GREB1L: variants seen among roughly 807,000 people sequenced by gnomAD.
GREB1L encodes GREB1-like protein.
A neutral mutation model predicts 200.8 loss-of-function variants in GREB1L; 17 were observed. That is an observed-to-expected ratio of 0.08 (90% CI 0.06 to 0.13). The LOEUF (loss-of-function observed/expected upper bound fraction) is 0.13, where lower values mean the gene tolerates loss of function less well. GREB1L is among the 10% of genes least tolerant of loss of function. The pLI, the probability that GREB1L is intolerant of heterozygous loss-of-function variation, is 1.00. For missense variants in GREB1L, 1,657 were observed against 2,367.7 expected, an observed-to-expected ratio of 0.70 and a Z score of 6.23; for synonymous variants, 789 against 893.0, an observed-to-expected ratio of 0.88 and a Z score of 2.08.
chr18:21,473,069 G>A lies in GREB1L; in HGVS notation c.2221G>A (p.Ala741Thr). Residue 741 changes from alanine to threonine, a missense_variant, in exon 16 of 33, where the codon GCC becomes ACC. Physicochemically the swap from Ala to Thr is moderately conservative, Grantham distance 58. Coordinates refer to ENST00000424526, the MANE Select transcript of GREB1L (RefSeq NM_001142966.3). ...VDLGLEENGT[A>T]HQRAEKYVVR... is the part of the protein sequence containing the mutation. Reference sequence around the variant, plus strand: ...CTTGGGTCTGGAGGAAAATGGGACAGCCCATCAGAGAGCAGAAAAATATGT... The same window carrying A: ...CTTGGGTCTGGAGGAAAATGGGACAACCCATCAGAGAGCAGAAAAATATGT... The A allele has an allele frequency of 6.5e-7, 1 of 1,548,900 alleles. No homozygotes were observed. The highest frequency in any genetic ancestry group is 8.7e-7 in the Non-Finnish European group (1 of 1,145,726).
chr18:21,510,870 C>T (rs2037212463), intron 27 of GREB1L, among the ~76,000 whole-genome samples: 1 of 151,620 alleles, frequency 6.6e-6, no homozygotes, highest in Admixed American at 6.6e-5. Flanking sequence ...AGGTGTTTTG[C>T]ATTGTGATTT....
intron 1 of GREB1L, among the ~76,000 whole-genome samples, chr18:21,249,886 ATC>A (rs997986276): frequency 6.6e-6 from 1 of 152,058 alleles, no homozygotes; most frequent in Non-Finnish European, 1.5e-5. Context: ...AGTGACAAAT[ATC>A]TCTGTTCTCA....
At chr18:21,373,242 TTCTG>T (rs1191784074) in intron 2 of GREB1L, among the ~76,000 whole-genome samples, 1 of 152,194 alleles carries the variant, frequency 6.6e-6, no homozygotes, top group Admixed American at 6.5e-5. Context: ...CCTATCAACC[TTCTG>T]TCTCATGGTT....
intron 4 of GREB1L, among the ~76,000 whole-genome samples, chr18:21,393,923 CT>C (rs1184542728): frequency 6.6e-6 from 1 of 152,160 alleles, no homozygotes; most frequent in Non-Finnish European, 1.5e-5. Context: ...AGAAACCCAA[CT>C]GAAAATGGCT....
intron 1 of GREB1L, among the ~76,000 whole-genome samples, chr18:21,246,815 T>G (rs1195169928): frequency 6.6e-6 from 1 of 152,222 alleles, no homozygotes; most frequent in Non-Finnish European, 1.5e-5. Context: ...AGAGCTGATT[T>G]GTGGTTAGTA....
In GREB1L at chr18:21,483,605, G is replaced by A. The variant is rs193217370; in HGVS notation, c.2557-2015G>A. Among the ~76,000 whole-genome samples, 8 of 152,144 alleles carry A rather than the reference G, an allele frequency of 5.3e-5. No individual in the cohort carries two copies. The Middle Eastern group carries it at 0.01, about 194-fold the overall frequency. ...GGGGGACCTCAAAAAATTAAAAGCT[G>A]CCAGTTAAAACATGCTTTATTTTTA... On this transcript the variant is annotated intron_variant, in intron 17 of 32. Transcript: ENST00000424526.
chr18:21,427,696 TTC>T (rs1171033867), intron 7 of GREB1L, among the ~76,000 whole-genome samples: 9 of 152,330 alleles, frequency 5.9e-5, no homozygotes, highest in African/African-American at 2.2e-4. Context: ...AATACTGATC[TTC>T]TGTCCTGAAG....
chr18:21,276,184 T>C (rs1222715297), intron 1 of GREB1L, among the ~76,000 whole-genome samples: 4 of 152,210 alleles, frequency 2.6e-5, no homozygotes, highest in Non-Finnish European at 5.9e-5. Context: ...CAGTCCTCAA[T>C]CGACCAGTCT....
rs2145935780 is a variant in GREB1L at position 21,499,790 on chromosome 18, C to T, written c.3453C>T (p.Ser1151=). 6.4e-7 allele frequency: 1 copy of T among 1,552,012 alleles called. No homozygotes were observed. The highest frequency in any genetic ancestry group is 1.2e-5 in the South Asian group (1 of 84,058). Reference sequence around the variant, plus strand: ...CAGCTGACAAGTCCCAGAAGCAGTCCCTGACCCCCAGCTTTCAGAGCCCAG... The same window carrying T: ...CAGCTGACAAGTCCCAGAAGCAGTCTCTGACCCCCAGCTTTCAGAGCCCAG... ...SSTADKSQKQ[S]LTPSFQSPAT... The change falls in exon 22 of 33, where the codon TCC becomes TCT. Residue 1151 remains serine, a synonymous_variant. Coordinates refer to ENST00000424526, the MANE Select transcript of GREB1L (RefSeq NM_001142966.3).
chr18:21,453,865 G>T (rs995750778), intron 14 of GREB1L, among the ~76,000 whole-genome samples: 8 of 152,190 alleles, frequency 5.3e-5, no homozygotes, highest in African/African-American at 1.9e-4. Context: ...CAACTGACTT[G>T]CTAAAGAGGA....
intron 15 of GREB1L, among the ~76,000 whole-genome samples, chr18:21,464,312 G>A (rs1254329421): frequency 1.3e-5 from 2 of 151,978 alleles, no homozygotes; most frequent in Non-Finnish European, 2.9e-5. Flanking sequence ...GGCGGATCAT[G>A]AGGTCAAGAG....
intron 1 of GREB1L, among the ~76,000 whole-genome samples, chr18:21,255,437 C>T (rs191324169): frequency 1.3e-4 from 20 of 152,294 alleles, no homozygotes; most frequent in South Asian, 4.1e-4. Context: ...GAAGTTCTGA[C>T]GGAAAGCACT....
intron 1 of GREB1L, among the ~76,000 whole-genome samples, chr18:21,259,775 G>A (rs1475233400): frequency 2.0e-5 from 3 of 151,938 alleles, no homozygotes; most frequent in Non-Finnish European, 4.4e-5. Flanking sequence ...TATTGGTGAT[G>A]TTAAGAAAAT....
At chr18:21,349,559 C>T (rs1291399497) in intron 1 of GREB1L, among the ~76,000 whole-genome samples, 1 of 152,082 alleles carries the variant, frequency 6.6e-6, no homozygotes, top group Non-Finnish European at 1.5e-5. Flanking sequence ...GGTTGTGAGC[C>T]GTGGGCAAGC....
chr18:21,427,873 C>T (rs1406948317), intron 7 of GREB1L, among the ~76,000 whole-genome samples: 1 of 152,124 alleles, frequency 6.6e-6, no homozygotes, highest in Non-Finnish European at 1.5e-5. Context: ...ACTTCTTGTA[C>T]ATGTTAAATA....
intron 1 of GREB1L, among the ~76,000 whole-genome samples, chr18:21,253,224 A>G (rs2037741126): frequency 6.6e-6 from 1 of 151,524 alleles, no homozygotes; most frequent in South Asian, 2.1e-4. Context: ...AATTGCAGCT[A>G]ATATAGAGAA....
Position 21,516,748 on chromosome 18 carries a change from G to C in GREB1L, c.5265G>C (p.Lys1755Asn). 6.4e-7 allele frequency: 1 copy of C among 1,551,384 alleles called. No individual in the cohort carries two copies. The highest frequency in any genetic ancestry group is 8.7e-7 in the Non-Finnish European group (1 of 1,146,848). ...AAAGGGACTTTATCATTAAACCAAA[G>C]ATCATGGTGAGTACCGCAAGCTTGA... ...GGQRDFIIKP[K>N]IMVSESLAPI... Residue 1755 changes from lysine to asparagine, a missense_variant, in exon 30 of 33, where the codon AAG (lysine) becomes AAC (asparagine). By Grantham distance (94) the Lys-to-Asn change is moderately conservative. Coordinates refer to ENST00000424526, the MANE Select transcript of GREB1L (RefSeq NM_001142966.3).
At position 21,500,678 on chromosome 18, in the gene GREB1L, A is replaced by G. The variant is rs2036750774; in HGVS notation, c.4072+36A>G. 4 of 1,391,460 alleles carry G rather than the reference A, an allele frequency of 2.9e-6. No individual in the cohort carries two copies. In the East Asian group the frequency reaches 7.5e-5, roughly 26 times the overall value. The allele number at this position is 1,391,460 out of a possible 1,614,324, so 86.2% of individuals were successfully genotyped here. On this transcript the variant is annotated intron_variant, in intron 23 of 32. Transcript: ENST00000424526. ...AGCCCAGGGAGTGGGCAGAGGGGCA[A>G]GAGACAAAGACATTGAATTGCAAAT...
chr18:21,503,540 G>A (rs147673787), intron 23 of GREB1L, among the ~76,000 whole-genome samples: 121 of 150,416 alleles, frequency 8.0e-4, no homozygotes, highest in Middle Eastern at 3.5e-3. Context: ...CACCAGCTGC[G>A]TGCCTGCAAC....
Sources: allele counts gnomAD v4.1 joint callset (sites outside exome capture counted in the v4.1 genomes callset), GRCh38; gene constraint gnomAD v4.1.1; transcripts MANE v1.5; gene names NCBI Gene and HGNC (gene_info 2026-07-23, HGNC 2026-07-21).